GMPS: variants seen among roughly 807,000 people sequenced by gnomAD.
The protein encoded by GMPS is guanosine monophosphate synthase.
GMPS carries 15 observed loss-of-function variants against 77.9 expected under a neutral mutation model. The observed-to-expected ratio is 0.19, with a 90% CI of 0.13 to 0.30. The LOEUF (loss-of-function observed/expected upper bound fraction) is 0.30. GMPS is among the 10% of genes least tolerant of loss of function. The probability of loss-of-function intolerance (pLI) is 1.00; values close to 1 mark genes in which losing one functional copy is unlikely to be tolerated. For synonymous variants in GMPS, 224 were observed against 275.9 expected (o/e 0.81, Z 1.86); for missense variants, 590 against 838.8 (o/e 0.70, Z 3.66).
chr3:155,870,792 G>T lies in GMPS; in HGVS notation c.-79G>T. The T allele has an allele frequency of 1.0e-6, 1 of 978,580 alleles. No homozygotes were observed. 60.6% of individuals were successfully genotyped at this position (978,580 alleles called of 1,614,324 possible). A position where few individuals can be genotyped will look rare whatever the true frequency, so the allele number is the denominator to read the frequency against. ...CAGGCCTCCTTCTCAACCTCAGCCC[G>T]CGGCGCCGACCCTTCCGGCACCCTC... On this transcript the variant is annotated 5_prime_UTR_variant, in exon 1 of 16. Coordinates refer to ENST00000496455, the MANE Select transcript of GMPS (RefSeq NM_003875.3).
At chr3:155,873,501 A>G (rs1015089429) in intron 1 of GMPS, among the ~76,000 whole-genome samples, 1 of 151,942 alleles carries the variant, frequency 6.6e-6, no homozygotes, top group African/African-American at 2.4e-5. Context: ...GGCTCAAGCT[A>G]TCCTCCCACT....
chr3:155,931,961 A>G, intron 13 of GMPS, 81 bp downstream of exon 13: 1 of 684,912 alleles, frequency 1.5e-6, no homozygotes, highest in South Asian at 1.7e-5. Context: ...ATGGAAGACC[A>G]AAAGGCTCAA....
chr3:155,908,549 A>G (rs1754954496), intron 5 of GMPS, among the ~76,000 whole-genome samples: 1 of 152,208 alleles, frequency 6.6e-6, no homozygotes, highest in African/African-American at 2.4e-5. Context: ...AGAAGTTGTC[A>G]GGACTAGGGT....
At chr3:155,932,664 T>C (rs12496006) in intron 13 of GMPS, among the ~76,000 whole-genome samples, 8,287 of 152,230 alleles carry the variant, frequency 0.054, 315 homozygotes, top group East Asian at 0.18. Context: ...GTTAGGCAGT[T>C]AACAACCAAA....
intron 1 of GMPS, among the ~76,000 whole-genome samples, chr3:155,887,663 A>G (rs1317571437): frequency 6.6e-6 from 1 of 152,218 alleles, no homozygotes; most frequent in Non-Finnish European, 1.5e-5. Context: ...ACTTATATGT[A>G]GATAATTATC....
At chr3:155,873,652 T>TTTTTTTTTTTTTTTTTG in intron 1 of GMPS, among the ~76,000 whole-genome samples, 1 of 143,568 alleles carries the variant, frequency 7.0e-6, no homozygotes, top group East Asian at 2.0e-4. Flanking sequence ...TTTTTTTTTT[T>TTTTTTTTTTTTTTTTTG]GAGATGGAGT....
intron 1 of GMPS, among the ~76,000 whole-genome samples, chr3:155,888,061 A>G (rs968563464): frequency 6.6e-6 from 1 of 152,104 alleles, no homozygotes; most frequent in African/African-American, 2.4e-5. Context: ...ATTGACCAAC[A>G]TTCCTTTATT....
At chr3:155,879,286 T>C (rs925188183) in intron 1 of GMPS, among the ~76,000 whole-genome samples, 9 of 148,870 alleles carry the variant, frequency 6.0e-5, no homozygotes, top group Non-Finnish European at 1.3e-4. Context: ...TTTTTTTTTT[T>C]CCTGAGACAG....
At chr3:155,898,146 GGATGA>G in intron 3 of GMPS, 105 bp downstream of exon 3, 1 of 725,168 alleles carries the variant, frequency 1.4e-6, no homozygotes. Context: ...ATACTTAGTT[GGATGA>G]GATAACTTGT....
At chr3:155,907,895 G>A (rs1577517884) in intron 5 of GMPS, among the ~76,000 whole-genome samples, 1 of 152,290 alleles carries the variant, frequency 6.6e-6, no homozygotes, top group East Asian at 1.9e-4. Context: ...CATATTTGAG[G>A]AGCAGCAGGA....
chr3:155,932,527 A>G (rs1022583012), intron 13 of GMPS, among the ~76,000 whole-genome samples: 4 of 152,230 alleles, frequency 2.6e-5, no homozygotes, highest in Admixed American at 2.0e-4. Flanking sequence ...GCTGATTTAT[A>G]ATCTATTTCT....
intron 1 of GMPS, among the ~76,000 whole-genome samples, chr3:155,877,827 TCGCTAGTA>T (rs1430272974): frequency 1.4e-5 from 2 of 144,514 alleles, no homozygotes; most frequent in African/African-American, 5.2e-5. Flanking sequence ...AGACAGAGTC[TCGCTAGTA>T]CAGTGGCGCG....
chr3:155,935,076 C>G, intron 14 of GMPS, 30 bp downstream of exon 14: 1 of 1,537,058 alleles, frequency 6.5e-7, no homozygotes, highest in South Asian at 1.1e-5. Flanking sequence ...GATTACTACC[C>G]TCTGAAACTA....
At chr3:155,924,366 G>A (rs569050118) in intron 11 of GMPS, among the ~76,000 whole-genome samples, 1 of 152,316 alleles carries the variant, frequency 6.6e-6, no homozygotes, top group South Asian at 2.1e-4. Flanking sequence ...ATATCTACTT[G>A]TTCTTGTTTA....
At chr3:155,896,444 C>T (rs1327053541) in intron 2 of GMPS, among the ~76,000 whole-genome samples, 1 of 152,158 alleles carries the variant, frequency 6.6e-6, no homozygotes, top group Admixed American at 6.5e-5. Flanking sequence ...TTGCAGGACA[C>T]ACACTAACAA....
Position 155,942,297 on chromosome 3 carries a change from A to C in GMPS, c.*4605A>C, listed in dbSNP as rs1755911877. ...TAGAGACAGGGTTTCACTGTGTTATACAGGATGGTCTCGATCTCCCGACCT... is the reference window on the plus strand; with the variant it reads ...TAGAGACAGGGTTTCACTGTGTTATCCAGGATGGTCTCGATCTCCCGACCT... On this transcript the variant is annotated 3_prime_UTR_variant, in exon 16 of 16. Coordinates refer to ENST00000496455, the MANE Select transcript of GMPS (RefSeq NM_003875.3). 5.4e-6 allele frequency: 1 copy of C among 186,908 alleles called. No homozygotes were observed. The highest frequency in any genetic ancestry group is 8.7e-5 in the East Asian group (1 of 11,466). 11.6% of individuals were successfully genotyped at this position (186,908 alleles called of 1,614,324 possible).
intron 1 of GMPS, among the ~76,000 whole-genome samples, chr3:155,881,595 A>G (rs1302687037): frequency 6.6e-6 from 1 of 152,180 alleles, no homozygotes; most frequent in Non-Finnish European, 1.5e-5. Context: ...CGGTAATGGT[A>G]ATTAACAATC....
At position 155,889,800 on chromosome 3, in the gene GMPS, A is replaced by G. The variant is rs547644934; in HGVS notation, c.28-3718A>G. ...ATTTTTTCTTGATATCTTAAAATAT[A>G]TCTATGAATATTGCTTATTTTATTA... On this transcript the variant is annotated intron_variant, in intron 1 of 15. Transcript: ENST00000496455. Among the ~76,000 whole-genome samples the G allele has an allele frequency of 3.9e-5, 6 of 152,312 alleles. 1 individual carries two copies. In the East Asian group the frequency reaches 7.7e-4, roughly 20 times the overall value.
chr3:155,903,027 A>G (rs1754767955), intron 3 of GMPS, among the ~76,000 whole-genome samples: 1 of 152,192 alleles, frequency 6.6e-6, no homozygotes, highest in Non-Finnish European at 1.5e-5. Context: ...ACTCTGAGTT[A>G]TAAGAATGAA....
Sources: allele counts gnomAD v4.1 joint callset (sites outside exome capture counted in the v4.1 genomes callset), GRCh38; gene constraint gnomAD v4.1.1; transcripts MANE v1.5; gene names NCBI Gene and HGNC (gene_info 2026-07-23, HGNC 2026-07-21).